SCHIP1: variants seen among roughly 807,000 people sequenced by gnomAD.
The protein encoded by SCHIP1 is schwannomin-interacting protein 1.
In SCHIP1, 8 loss-of-function variants were observed where a neutral mutation model predicts 29.7. The ratio of observed to expected loss-of-function variants is 0.27; its 90% CI spans 0.16 to 0.49. SCHIP1 has a LOEUF of 0.49. Ranked by LOEUF, SCHIP1 falls within the 20% of genes least tolerant of loss-of-function variation. The pLI, the probability that SCHIP1 is intolerant of heterozygous loss-of-function variation, is 0.99. For synonymous variants in SCHIP1, 76 were observed against 94.9 expected, an observed-to-expected ratio of 0.80 and a Z score of 1.16; for missense variants, 193 against 294.6, an observed-to-expected ratio of 0.66 and a Z score of 2.52.
the SCHIP1 span, among the ~76,000 whole-genome samples, chr3:159,766,625 C>G: frequency 6.6e-6 from 1 of 152,254 alleles, no homozygotes; most frequent in Non-Finnish European, 1.5e-5. Context: ...AAATTTAGTA[C>G]TTGGGTATAC....
chr3:159,767,480 C>A, the SCHIP1 span, among the ~76,000 whole-genome samples: 7 of 152,230 alleles, frequency 4.6e-5, no homozygotes, highest in African/African-American at 1.4e-4. Context: ...AACAAAGGAG[C>A]CGTGTGGAAG....
chr3:159,810,682 C>T, the SCHIP1 span, among the ~76,000 whole-genome samples: 4 of 152,032 alleles, frequency 2.6e-5, no homozygotes, highest in African/African-American at 4.8e-5. Flanking sequence ...ATTGTATGGC[C>T]GTATTATATT....
At chr3:159,363,790 G>T in the SCHIP1 span, among the ~76,000 whole-genome samples, 3 of 152,158 alleles carry the variant, frequency 2.0e-5, no homozygotes, top group East Asian at 3.9e-4. Flanking sequence ...AAGGTCATTT[G>T]TTTGGTGTCA....
At chr3:159,742,910 C>G in the SCHIP1 span, among the ~76,000 whole-genome samples, 1 of 141,226 alleles carries the variant, frequency 7.1e-6, no homozygotes, top group African/African-American at 2.7e-5. Flanking sequence ...TGGTCTCAAA[C>G]TCCTGACCTC....
chr3:159,426,950 T>C, the SCHIP1 span, among the ~76,000 whole-genome samples: 1 of 152,198 alleles, frequency 6.6e-6, no homozygotes, highest in Non-Finnish European at 1.5e-5. Context: ...ATTATCTCAA[T>C]AGATTCAGAA....
At chr3:159,396,128 G>T in the SCHIP1 span, among the ~76,000 whole-genome samples, 1 of 135,736 alleles carries the variant, frequency 7.4e-6, no homozygotes, top group African/African-American at 2.7e-5. Context: ...TTTTATCAGA[G>T]ACTAGGATTC....
chr3:159,859,973 CAG>C (rs1491110620), intron 1 of SCHIP1, among the ~76,000 whole-genome samples: 1 of 127,614 alleles, frequency 7.8e-6, no homozygotes, highest in African/African-American at 3.1e-5. Context: ...AAATGTGTGA[CAG>C]GGTGTGTGTG....
the SCHIP1 span, among the ~76,000 whole-genome samples, chr3:159,828,430 CGT>C: frequency 2.2e-4 from 20 of 91,548 alleles, 1 homozygote; most frequent in Non-Finnish European, 3.5e-4. Context: ...TATATATATA[CGT>C]ATATATACGT....
chr3:159,689,016 T>C, the SCHIP1 span, among the ~76,000 whole-genome samples: 1 of 152,234 alleles, frequency 6.6e-6, no homozygotes, highest in African/African-American at 2.4e-5. Context: ...TAGTATAGTT[T>C]GAAGGCAGGT....
chr3:159,632,056 CTA>C, the SCHIP1 span, among the ~76,000 whole-genome samples: 1 of 151,972 alleles, frequency 6.6e-6, no homozygotes, highest in Admixed American at 6.6e-5. Context: ...TTTTTTAAAT[CTA>C]TGTTTTAGCT....
chr3:159,684,408 C>A, the SCHIP1 span, among the ~76,000 whole-genome samples: 1 of 152,142 alleles, frequency 6.6e-6, no homozygotes, highest in Non-Finnish European at 1.5e-5. Flanking sequence ...ATGTGTTTGC[C>A]CCTTCTCTCA....
chr3:159,819,366 A>G, the SCHIP1 span, among the ~76,000 whole-genome samples: 1 of 152,208 alleles, frequency 6.6e-6, no homozygotes, highest in Non-Finnish European at 1.5e-5. Flanking sequence ...CACTATATCC[A>G]GCCCACACTT....
the SCHIP1 span, among the ~76,000 whole-genome samples, chr3:159,362,154 G>A: frequency 6.6e-6 from 1 of 152,184 alleles, no homozygotes; most frequent in Non-Finnish European, 1.5e-5. Context: ...CTAGAAGGAT[G>A]ACAGTAAATG....
At chr3:159,511,968 A>G in the SCHIP1 span, among the ~76,000 whole-genome samples, 3 of 152,200 alleles carry the variant, frequency 2.0e-5, no homozygotes, top group Non-Finnish European at 4.4e-5. Flanking sequence ...AAAATAACAC[A>G]AACTCAAAGG....
At chr3:159,622,956 T>C in the SCHIP1 span, among the ~76,000 whole-genome samples, 1 of 152,102 alleles carries the variant, frequency 6.6e-6, no homozygotes, top group African/African-American at 2.4e-5. Context: ...GGAGGAAACA[T>C]ATGTGCATAG....
At chr3:159,670,018 G>A in the SCHIP1 span, among the ~76,000 whole-genome samples, 1 of 152,182 alleles carries the variant, frequency 6.6e-6, no homozygotes, top group Non-Finnish European at 1.5e-5. Context: ...TCCAGGCCAC[G>A]ATTTCTGGAC....
chr3:159,474,191 T>C, the SCHIP1 span, among the ~76,000 whole-genome samples: 1 of 152,196 alleles, frequency 6.6e-6, no homozygotes, highest in Non-Finnish European at 1.5e-5. Context: ...TCCCAGCTTA[T>C]AAACAACCTC....
the SCHIP1 span, among the ~76,000 whole-genome samples, chr3:159,683,920 CTCTCTCTCTCTCT>C: frequency 6.7e-6 from 1 of 150,042 alleles, no homozygotes; most frequent in Admixed American, 6.6e-5. Context: ...TGTAAAACTT[CTCTCTCTCTCTCT>C]CTGTATTAAT....
At chr3:159,687,202 G>A in the SCHIP1 span, among the ~76,000 whole-genome samples, 1 of 152,012 alleles carries the variant, frequency 6.6e-6, no homozygotes, top group South Asian at 2.1e-4. Context: ...GAAAGTAGGA[G>A]AAAAATTCCC....
Sources: allele counts gnomAD v4.1 joint callset (sites outside exome capture counted in the v4.1 genomes callset), GRCh38; gene constraint gnomAD v4.1.1; transcripts MANE v1.5; gene names NCBI Gene and HGNC (gene_info 2026-07-23, HGNC 2026-07-21).